The following NRXN1 variants were observed in gnomAD, a reference collection of about 807,000 sequenced individuals.
NRXN1 encodes the protein neurexin-1.
In NRXN1, 39 loss-of-function variants were observed where a neutral mutation model predicts 150.9. That is an observed-to-expected ratio of 0.26 (90% CI 0.20 to 0.34). NRXN1 has a LOEUF of 0.34. Ranked by LOEUF, NRXN1 falls within the 10% of genes least tolerant of loss-of-function variation. The pLI, the probability that NRXN1 is intolerant of heterozygous loss-of-function variation, is 1.00. For missense variants in NRXN1, 1,815 were observed against 1,949.9 expected (o/e 0.93, Z 1.30); for synonymous variants, 924 against 757.0 (o/e 1.22, Z -3.62).
chr2:50,030,741 T>C (rs1689060289), intron 21 of NRXN1, among the ~76,000 whole-genome samples: 2 of 152,190 alleles, frequency 1.3e-5, no homozygotes, highest in African/African-American at 4.8e-5. Context: ...TTTGGCAATG[T>C]ATAACTTAAA....
intron 5 of NRXN1, among the ~76,000 whole-genome samples, chr2:50,694,626 G>A (rs1692555280): frequency 6.6e-6 from 1 of 152,066 alleles, no homozygotes; most frequent in Non-Finnish European, 1.5e-5. Context: ...ATATCCTTTG[G>A]TTAAATTCAA....
intron 17 of NRXN1, among the ~76,000 whole-genome samples, chr2:50,325,986 A>C (rs1382972170): frequency 6.6e-6 from 1 of 152,228 alleles, no homozygotes; most frequent in Non-Finnish European, 1.5e-5. Context: ...TTTAGCAGAG[A>C]AAGTTTCTAA....
intron 19 of NRXN1, among the ~76,000 whole-genome samples, chr2:50,061,588 G>C (rs1694543260): frequency 6.6e-6 from 1 of 152,130 alleles, no homozygotes; most frequent in African/African-American, 2.4e-5. Flanking sequence ...TACATTCCGG[G>C]CTATAAAAAG....
chr2:50,718,386 G>A (rs548628842), intron 5 of NRXN1, among the ~76,000 whole-genome samples: 2 of 152,128 alleles, frequency 1.3e-5, no homozygotes, highest in Non-Finnish European at 2.9e-5. Context: ...GGAAGGGAAG[G>A]CATGTTTGCA....
At chr2:50,138,812 G>T (rs1361728821) in intron 18 of NRXN1, among the ~76,000 whole-genome samples, 1 of 152,174 alleles carries the variant, frequency 6.6e-6, no homozygotes. Flanking sequence ...ACAACCTCCT[G>T]AAGTTAGGAC....
chr2:50,978,985 T>G (rs998784079), intron 2 of NRXN1, among the ~76,000 whole-genome samples: 7 of 152,076 alleles, frequency 4.6e-5, no homozygotes, highest in Non-Finnish European at 1.0e-4. Context: ...TTTATTTTTC[T>G]TGCATAAAAT....
chr2:50,343,315 G>T (rs1463744338), intron 17 of NRXN1, among the ~76,000 whole-genome samples: 1 of 152,166 alleles, frequency 6.6e-6, no homozygotes, highest in East Asian at 1.9e-4. Context: ...ATCATTCCAT[G>T]CTCCCCACAT....
At chr2:50,794,326 C>T (rs1216040864) in intron 5 of NRXN1, among the ~76,000 whole-genome samples, 1 of 152,078 alleles carries the variant, frequency 6.6e-6, no homozygotes, top group African/African-American at 2.4e-5. Context: ...AAGGCTTCTA[C>T]AATTTAACAG....
At chr2:50,661,101 G>GCCATATA (rs1300841238) in intron 5 of NRXN1, among the ~76,000 whole-genome samples, 6 of 151,026 alleles carry the variant, frequency 4.0e-5, no homozygotes, top group Non-Finnish European at 7.4e-5. Context: ...ATATATACTA[G>GCCATATA]TATGTACTTT....
chr2:50,972,108 T>A (rs1162155664), intron 2 of NRXN1, among the ~76,000 whole-genome samples: 4 of 152,018 alleles, frequency 2.6e-5, no homozygotes, highest in Admixed American at 2.6e-4. Context: ...AATTATTTGC[T>A]GTGAAACAAA....
intron 19 of NRXN1, among the ~76,000 whole-genome samples, chr2:50,056,957 A>G (rs1437658742): frequency 2.6e-5 from 4 of 152,164 alleles, no homozygotes; most frequent in East Asian, 1.9e-4. Flanking sequence ...ATCATCAGGC[A>G]TGACCCACAT....
intron 17 of NRXN1, among the ~76,000 whole-genome samples, chr2:50,296,932 G>C (rs1292324273): frequency 6.7e-6 from 1 of 148,488 alleles, no homozygotes; most frequent in Admixed American, 6.8e-5. Context: ...ATCCAGGCTG[G>C]AGTGCAGTGG....
At chr2:50,972,466 T>A (rs2045308315) in intron 2 of NRXN1, among the ~76,000 whole-genome samples, 1 of 152,090 alleles carries the variant, frequency 6.6e-6, no homozygotes, top group Admixed American at 6.6e-5. Context: ...AGGAACTGGT[T>A]TTGTGGAGGA....
At chr2:50,207,777 G>C (rs1188926552) in intron 18 of NRXN1, 1 of 165,618 alleles carries the variant, frequency 6.0e-6, no homozygotes, top group East Asian at 1.9e-4. Context: ...TTCTGAATCA[G>C]CTATCATTTG....
At chr2:50,069,687 T>C (rs564020995) in intron 19 of NRXN1, among the ~76,000 whole-genome samples, 1 of 152,198 alleles carries the variant, frequency 6.6e-6, no homozygotes, top group Non-Finnish European at 1.5e-5. Context: ...GTTTTAAGCT[T>C]GTCTTCTTTC....
At chr2:49,989,323 CA>C (rs1462444571) in intron 21 of NRXN1, among the ~76,000 whole-genome samples, 4 of 152,156 alleles carry the variant, frequency 2.6e-5, no homozygotes, top group Non-Finnish European at 5.9e-5. Flanking sequence ...AGTCATTCAA[CA>C]AACATGTATT....
intron 17 of NRXN1, among the ~76,000 whole-genome samples, chr2:50,354,550 CATACATATATATATATATAT>C (rs1336296880): frequency 7.5e-5 from 5 of 66,256 alleles, no homozygotes; most frequent in Admixed American, 7.4e-4. Flanking sequence ...GTCTAGAGTG[CATACATATATATATATATAT>C]ATATATATAT....
rs144300456 is a variant in NRXN1, at chr2:50,925,319, A to G, written c.790+619T>C. ...TCTTCAAAATTCCTTGACAGAGATA[A>G]TTTTTTATAAAAGACTGAATAAAAT... On this transcript the variant is annotated intron_variant, in intron 3 of 22. Transcript: ENST00000401669. Among the ~76,000 whole-genome samples, 71 of 151,994 alleles carry G rather than the reference A, an allele frequency of 4.7e-4. No individual in the cohort carries two copies. In the East Asian group the frequency reaches 0.014, roughly 29 times the overall value.
At chr2:50,202,018 C>T (rs1417409656) in intron 18 of NRXN1, among the ~76,000 whole-genome samples, 4 of 152,206 alleles carry the variant, frequency 2.6e-5, no homozygotes, top group Non-Finnish European at 5.9e-5. Flanking sequence ...CTCTCCTAAT[C>T]AAGACATTAT....
Sources: allele counts gnomAD v4.1 joint callset (sites outside exome capture counted in the v4.1 genomes callset), GRCh38; gene constraint gnomAD v4.1.1; transcripts MANE v1.5; gene names NCBI Gene and HGNC (gene_info 2026-07-23, HGNC 2026-07-21).